The following SHISA6 variants were observed in gnomAD, a reference collection of about 807,000 sequenced individuals.
SHISA6 encodes the protein protein shisa-6.
SHISA6 carries 22 observed loss-of-function variants against 47.9 expected under a neutral mutation model. That is an observed-to-expected ratio of 0.46 (90% CI 0.33 to 0.66). The LOEUF is 0.66. SHISA6 is among the 30% of genes least tolerant of loss of function. The pLI, the probability that SHISA6 is intolerant of heterozygous loss-of-function variation, is 0.02. For missense variants in SHISA6, 680 were observed against 764.6 expected, an observed-to-expected ratio of 0.89 and a Z score of 1.30; for synonymous variants, 388 against 337.8, an observed-to-expected ratio of 1.15 and a Z score of -1.63.
intron 3 of SHISA6, among the ~76,000 whole-genome samples, chr17:11,389,268 T>C (rs1014868812): frequency 2.0e-4 from 30 of 152,172 alleles, no homozygotes; most frequent in Admixed American, 1.7e-3. Context: ...GGGACAATCT[T>C]CTGGACTGGT....
chr17:11,327,687 C>T (rs1218114723), intron 2 of SHISA6, among the ~76,000 whole-genome samples: 1 of 152,152 alleles, frequency 6.6e-6, no homozygotes, highest in Non-Finnish European at 1.5e-5. Context: ...ATCCCAGCTA[C>T]TTGGGAGGCT....
At chr17:11,328,839 A>T (rs1167343120) in intron 2 of SHISA6, among the ~76,000 whole-genome samples, 1 of 152,164 alleles carries the variant, frequency 6.6e-6, no homozygotes. Flanking sequence ...AGATGGAGTC[A>T]TCTCTAAGGA....
chr17:11,436,249 C>A (rs765715834), intron 3 of SHISA6, among the ~76,000 whole-genome samples: 6 of 152,160 alleles, frequency 3.9e-5, no homozygotes, highest in Non-Finnish European at 8.8e-5. Flanking sequence ...AGAGAAGATG[C>A]CTCAGAATGA....
At chr17:11,266,922 T>G (rs932091410) in intron 2 of SHISA6, among the ~76,000 whole-genome samples, 1 of 152,166 alleles carries the variant, frequency 6.6e-6, no homozygotes, top group African/African-American at 2.4e-5. Flanking sequence ...CTTTGTTGGT[T>G]TGGGATGTGG....
intron 1 of SHISA6, among the ~76,000 whole-genome samples, chr17:11,261,800 T>C (rs1388413099): frequency 6.6e-6 from 1 of 152,236 alleles, no homozygotes; most frequent in Non-Finnish European, 1.5e-5. Context: ...AACATATATT[T>C]TTCATTGTTC....
chr17:11,445,068 G>C (rs893280404), intron 3 of SHISA6, among the ~76,000 whole-genome samples: 1 of 152,152 alleles, frequency 6.6e-6, no homozygotes, highest in Non-Finnish European at 1.5e-5. Flanking sequence ...CTTTGATGAA[G>C]CTGGATGTGA....
intron 1 of SHISA6, among the ~76,000 whole-genome samples, chr17:11,262,358 A>G (rs1037447192): frequency 6.6e-6 from 1 of 152,152 alleles, no homozygotes; most frequent in Non-Finnish European, 1.5e-5. Context: ...GGCATGTGCA[A>G]AACGGGAGTG....
At chr17:11,311,291 A>AC (rs1380760887) in intron 2 of SHISA6, among the ~76,000 whole-genome samples, 4 of 143,094 alleles carry the variant, frequency 2.8e-5, no homozygotes, top group East Asian at 2.1e-4. Context: ...AAAAAAAAAA[A>AC]AAAAAAAAAC....
chr17:11,357,125 T>A (rs1439587502), intron 2 of SHISA6, among the ~76,000 whole-genome samples: 1 of 142,974 alleles, frequency 7.0e-6, no homozygotes, highest in African/African-American at 2.7e-5. Context: ...GAGGCGGAGC[T>A]TGCAGTGAGC....
intron 2 of SHISA6, among the ~76,000 whole-genome samples, chr17:11,360,981 C>T (rs1912256405): frequency 6.6e-6 from 1 of 151,502 alleles, no homozygotes; most frequent in Admixed American, 6.6e-5. Context: ...CTTTTTCCCC[C>T]ACTGATTTGA....
At position 11,561,752 on chromosome 17, in the gene SHISA6, C is replaced by T. The variant is rs1330152788; in HGVS notation, c.*3448C>T. Reference sequence around the variant, plus strand: ...TTCCTCCATTCCTAATTTCTTTTCCCTGGTCTTGCTATAATCTCCAGCTCT... The same window carrying T: ...TTCCTCCATTCCTAATTTCTTTTCCTTGGTCTTGCTATAATCTCCAGCTCT... On this transcript the variant is annotated 3_prime_UTR_variant, in exon 6 of 6. Transcript: ENST00000441885. 6.6e-6 allele frequency: 1 copy of T among 152,136 alleles called. No individual in the cohort carries two copies. The highest frequency in any genetic ancestry group is 1.5e-5 in the Non-Finnish European group (1 of 68,054). 9.4% of individuals were successfully genotyped at this position (152,136 alleles called of 1,614,324 possible). A position where few individuals can be genotyped will look rare whatever the true frequency, so the allele number is the denominator to read the frequency against.
chr17:11,297,882 A>T (rs752913269), intron 2 of SHISA6, among the ~76,000 whole-genome samples: 2 of 152,146 alleles, frequency 1.3e-5, no homozygotes, highest in African/African-American at 2.4e-5. Flanking sequence ...GAAAGAGAAA[A>T]TGGATGGCGG....
intron 2 of SHISA6, among the ~76,000 whole-genome samples, chr17:11,350,185 T>TATTTA (rs770023770): frequency 0.054 from 6,335 of 118,214 alleles, 286 homozygotes; most frequent in East Asian, 0.19. Flanking sequence ...TTTATTTATT[T>TATTTA]TTTTTTTTTT....
At chr17:11,327,947 GTCTCTCTC>G (rs35735045) in intron 2 of SHISA6, among the ~76,000 whole-genome samples, 1 of 150,576 alleles carries the variant, frequency 6.6e-6, no homozygotes, top group African/African-American at 2.4e-5. Context: ...CTGTCTCTCT[GTCTCTCTC>G]TCTCTCATAG....
intron 3 of SHISA6, among the ~76,000 whole-genome samples, chr17:11,390,403 G>A (rs987059009): frequency 6.6e-6 from 1 of 152,144 alleles, no homozygotes; most frequent in Non-Finnish European, 1.5e-5. Flanking sequence ...TCATGTTGTT[G>A]GAGTTTAAGA....
intron 3 of SHISA6, among the ~76,000 whole-genome samples, chr17:11,409,351 A>T (rs1262182888): frequency 6.6e-6 from 1 of 152,334 alleles, no homozygotes; most frequent in South Asian, 2.1e-4. Flanking sequence ...ATAAAATAGA[A>T]GGTCATCAAA....
Position 11,551,570 on chromosome 17 carries a change from C to A in SHISA6, c.896-326C>A, listed in dbSNP as rs79782670. Among the ~76,000 whole-genome samples the A allele has an allele frequency of 2.6e-3, 401 of 152,216 alleles. 1 individual carries two copies. The highest frequency in any genetic ancestry group is 9.3e-3 in the African/African-American group (387 of 41,522). On this transcript the variant is annotated intron_variant, in intron 3 of 5. Transcript: ENST00000441885. ...TTAGTTCCCCCACCCTGTCCATGCA[C>A]GCATGCATGCATACCTGCCAAACAC...
At chr17:11,331,806 G>A (rs1438177945) in intron 2 of SHISA6, among the ~76,000 whole-genome samples, 2 of 151,654 alleles carry the variant, frequency 1.3e-5, no homozygotes, top group African/African-American at 4.8e-5. Flanking sequence ...TCTCTTTCCA[G>A]CTGCTTCTTT....
At chr17:11,403,650 C>T (rs1391540974) in intron 3 of SHISA6, among the ~76,000 whole-genome samples, 2 of 152,168 alleles carry the variant, frequency 1.3e-5, no homozygotes, top group Admixed American at 6.5e-5. Flanking sequence ...TAGCCAGCCT[C>T]TTCTTTGTTT....
Sources: allele counts gnomAD v4.1 joint callset (sites outside exome capture counted in the v4.1 genomes callset), GRCh38; gene constraint gnomAD v4.1.1; transcripts MANE v1.5; gene names NCBI Gene and HGNC (gene_info 2026-07-23, HGNC 2026-07-21).